LMNB1: variants seen among roughly 807,000 people sequenced by gnomAD.
LMNB1 encodes the protein lamin B1, also known as lamin-B1.
Under a neutral mutation model 67.1 loss-of-function variants are expected in LMNB1, and 23 were observed. The ratio of observed to expected loss-of-function variants is 0.34; its 90% CI spans 0.25 to 0.49. LMNB1 has a LOEUF of 0.49. Among genes scored for constraint, LMNB1 ranks in the 20% least tolerant of loss-of-function variants. LMNB1 has a pLI of 0.99. For missense variants in LMNB1, 634 were observed against 746.5 expected (o/e 0.85, Z 1.76); for synonymous variants, 281 against 282.9 (o/e 0.99, Z 0.07).
chr5:126,801,199 A>C (rs1751280582), intron 1 of LMNB1, among the ~76,000 whole-genome samples: 1 of 150,814 alleles, frequency 6.6e-6, no homozygotes, highest in Admixed American at 6.6e-5. Flanking sequence ...TGCCCAGGCT[A>C]GTCTCCCTTC....
intron 5 of LMNB1, among the ~76,000 whole-genome samples, chr5:126,814,327 T>C (rs1001057377): frequency 1.3e-5 from 2 of 152,222 alleles, no homozygotes; most frequent in African/African-American, 4.8e-5. Context: ...CTCAATTTTA[T>C]TTTTTCCTAC....
rs1561756569 is a variant in LMNB1 at position 126,832,808 on chromosome 5, C to T, written c.1719+7C>T. ...AGAACTTTTCCACCAGCAGGTATTA[C>T]TTTATTTATTTAATATATTTATTTC... On this transcript the variant is annotated splice_region_variant and intron_variant, in intron 10 of 10. Transcript: ENST00000261366. 7 of 1,530,042 alleles carry T rather than the reference C, an allele frequency of 4.6e-6. No homozygotes were observed. The highest frequency in any genetic ancestry group is 6.3e-6 in the Non-Finnish European group (7 of 1,119,638). 94.8% of individuals were successfully genotyped at this position (1,530,042 alleles called of 1,614,324 possible). A position where few individuals can be genotyped will look rare whatever the true frequency, so the allele number is the denominator to read the frequency against.
intron 1 of LMNB1, among the ~76,000 whole-genome samples, chr5:126,779,265 C>G (rs899129576): frequency 6.6e-6 from 1 of 152,220 alleles, no homozygotes; most frequent in Non-Finnish European, 1.5e-5. Flanking sequence ...AAAACGATAA[C>G]TGCACTACCT....
At chr5:126,827,029 A>T (rs1752013027) in intron 9 of LMNB1, among the ~76,000 whole-genome samples, 1 of 152,094 alleles carries the variant, frequency 6.6e-6, no homozygotes, top group Non-Finnish European at 1.5e-5. Flanking sequence ...ACTGATTCTG[A>T]CCTTTTCACC....
intron 1 of LMNB1, among the ~76,000 whole-genome samples, chr5:126,790,483 G>A (rs1750925224): frequency 6.6e-6 from 1 of 152,036 alleles, no homozygotes; most frequent in African/African-American, 2.4e-5. Flanking sequence ...TACTTACATA[G>A]TCCCCAGCAG....
chr5:126,829,615 A>G (rs527806034), intron 9 of LMNB1, among the ~76,000 whole-genome samples: 2 of 151,888 alleles, frequency 1.3e-5, no homozygotes, highest in Non-Finnish European at 2.9e-5. Context: ...AAAAGAATGG[A>G]CAATCCAGCC....
intron 5 of LMNB1, 83 bp from the exon 6 acceptor site, chr5:126,818,838 AG>A: frequency 1.1e-6 from 1 of 936,246 alleles, no homozygotes; most frequent in Non-Finnish European, 1.7e-6. Context: ...ACTGTTTTCC[AG>A]TCTAGGAAAT....
chr5:126,805,079 A>G (rs755877660), intron 2 of LMNB1, 147 bp downstream of exon 2: 6 of 747,768 alleles, frequency 8.0e-6, no homozygotes, highest in Non-Finnish European at 1.3e-5. Context: ...ACTTGAAGAA[A>G]AGTCTTGAGG....
intron 5 of LMNB1, among the ~76,000 whole-genome samples, chr5:126,816,429 G>T (rs1355528186): frequency 6.6e-6 from 1 of 152,062 alleles, no homozygotes; most frequent in African/African-American, 2.4e-5. Context: ...TGTTATTTTG[G>T]CATAATTTTA....
rs746292190 is a variant in LMNB1 at position 126,805,559 on chromosome 5, T to C, written c.517-12T>C. ...ATGTAATTTTTATCACAATTCTTTTTCCTTGTAATAGTTGGAAGCCTCCTT... is the reference window on the plus strand; with the variant it reads ...ATGTAATTTTTATCACAATTCTTTTCCCTTGTAATAGTTGGAAGCCTCCTT... On this transcript the variant is annotated splice_polypyrimidine_tract_variant and intron_variant, in intron 2 of 10. Coordinates refer to ENST00000261366, the MANE Select transcript of LMNB1 (RefSeq NM_005573.4). 11 of 1,573,356 alleles carry C rather than the reference T, an allele frequency of 7.0e-6. No individual in the cohort carries two copies. Among genetic ancestry groups the C allele is most frequent in the African/African-American group, 2.7e-5 (2 of 73,696 alleles).
intron 5 of LMNB1, among the ~76,000 whole-genome samples, chr5:126,813,105 A>G (rs1751619242): frequency 6.6e-6 from 1 of 152,208 alleles, no homozygotes; most frequent in African/African-American, 2.4e-5. Flanking sequence ...TCTAATTATA[A>G]AACTGATGAC....
intron 9 of LMNB1, among the ~76,000 whole-genome samples, chr5:126,827,943 C>G (rs1409031234): frequency 6.6e-6 from 1 of 152,128 alleles, no homozygotes; most frequent in African/African-American, 2.4e-5. Flanking sequence ...TTCTCACTCA[C>G]TAGAGGAAGC....
At position 126,777,744 on chromosome 5, in the gene LMNB1, A is replaced by C; in HGVS notation, c.236A>C (p.Lys79Thr). ...EVRGRELTGL[K>T]ALYETELADA... ...CGCGGCCGTGAGCTCACCGGCCTCA[A>C]GGCGCTCTACGAGACCGAGCTGGCC... The change falls in exon 1 of 11, where the codon AAG becomes ACG. Residue 79 changes from lysine (K) to threonine (T), a missense_variant. Physicochemically the swap from Lys to Thr is moderately conservative, Grantham distance 78 (BLOSUM62 -1). Transcript: ENST00000261366. The C allele has an allele frequency of 6.5e-7, 1 of 1,538,072 alleles. No homozygotes were observed. Among genetic ancestry groups the C allele is most frequent in the Non-Finnish European group, 8.8e-7 (1 of 1,141,260 alleles).
In LMNB1 at chr5:126,820,930, C is replaced by T; in HGVS notation, c.1181C>T (p.Pro394Leu). Residue 394 changes from proline to leucine, a missense_variant, in exon 7 of 11, where the codon CCT (proline) becomes CTT (leucine). By Grantham distance (98) the Pro-to-Leu change is moderately conservative (BLOSUM62 -3). Transcript: ENST00000261366. ...EEERLKLSPS[P>L]SSRVTVSRAS... ...TATAGGTTGAAGCTGTCTCCAAGCCCTTCTTCCCGTGTGACAGTATCCCGA... is the reference window on the plus strand; with the variant it reads ...TATAGGTTGAAGCTGTCTCCAAGCCTTTCTTCCCGTGTGACAGTATCCCGA... 1.2e-6 allele frequency: 2 copies of T among 1,613,882 alleles called. No individual in the cohort carries two copies. Among genetic ancestry groups the T allele is most frequent in the African/African-American group, 1.3e-5 (1 of 74,966 alleles).
At chr5:126,792,404 T>C (rs561194190) in intron 1 of LMNB1, among the ~76,000 whole-genome samples, 1 of 152,106 alleles carries the variant, frequency 6.6e-6, no homozygotes, top group East Asian at 1.9e-4. Context: ...CCCAAAGTGC[T>C]GGGATTATAG....
rs1212449654 is a variant in LMNB1 at position 126,810,225 on chromosome 5, G to A, written c.688G>A (p.Val230Met). The change falls in exon 4 of 11, where the codon GTG becomes ATG. Residue 230 changes from valine (V) to methionine (M), a missense_variant. Val to Met is a conservative substitution (Grantham distance 21). Coordinates refer to ENST00000261366, the MANE Select transcript of LMNB1 (RefSeq NM_005573.4). The part of the protein sequence containing the change: ...RRKHETRLVE[V>M]DSGRQIEYEY... The stretch of plus-strand genomic sequence containing the variant: ...GAAGCATGAAACGCGCTTGGTAGAG[G>A]TGGATTCTGGGCGTCAAATTGAGTA... 5.6e-6 allele frequency: 9 copies of A among 1,613,758 alleles called. No individual in the cohort carries two copies. The highest frequency in any genetic ancestry group is 7.6e-6 in the Non-Finnish European group (9 of 1,179,786).
intron 8 of LMNB1, among the ~76,000 whole-genome samples, chr5:126,825,503 CCAGAGAA>C (rs1751973275): frequency 6.6e-6 from 1 of 152,056 alleles, no homozygotes; most frequent in Admixed American, 6.6e-5. Flanking sequence ...CTGTAGGCAG[CCAGAGAA>C]CATTATTAGA....
chr5:126,805,765 A>G (rs1751401634), intron 3 of LMNB1, 69 bp downstream of exon 3: 1 of 1,032,614 alleles, frequency 9.7e-7, no homozygotes, highest in African/African-American at 1.6e-5. Context: ...ATAGCTAAAC[A>G]TGTAATTATA....
At chr5:126,819,950 G>C (rs111265200) in intron 6 of LMNB1, among the ~76,000 whole-genome samples, 4,261 of 152,180 alleles carry the variant, frequency 0.028, 78 homozygotes, top group Non-Finnish European at 0.04. Context: ...TTCAAGACCA[G>C]CCTGGTCAAC....
Sources: gnomAD v4.1 joint callset for allele counts (sites outside exome capture counted in the v4.1 genomes callset) on GRCh38, gnomAD v4.1.1 for gene constraint, MANE v1.5 for transcripts, NCBI Gene and HGNC (gene_info 2026-07-23, HGNC 2026-07-21) for gene names.